Variants in DLGAP2 observed in about 807,000 individuals in gnomAD.
The protein encoded by DLGAP2 is disks large-associated protein 2.
Under a neutral mutation model 100.3 loss-of-function variants are expected in DLGAP2, and 26 were observed. The observed-to-expected ratio is 0.26, with a 90% CI of 0.19 to 0.36. The LOEUF (loss-of-function observed/expected upper bound fraction) is 0.36, where lower values mean the gene tolerates loss of function less well. DLGAP2 is among the 10% of genes least tolerant of loss of function. DLGAP2 has a pLI of 1.00. For synonymous variants in DLGAP2, 886 were observed against 630.1 expected, an observed-to-expected ratio of 1.41 and a Z score of -6.08; for missense variants, 1,858 against 1,453.2, an observed-to-expected ratio of 1.28 and a Z score of -4.53.
intron 3 of DLGAP2, among the ~76,000 whole-genome samples, chr8:1,328,389 G>T (rs1249578057): frequency 6.6e-6 from 1 of 152,042 alleles, no homozygotes; most frequent in South Asian, 2.1e-4. Flanking sequence ...CATAGTCTTG[G>T]CTCACTGCAA....
chr8:1,536,323 T>G (rs575843935), intron 4 of DLGAP2, among the ~76,000 whole-genome samples: 1 of 152,242 alleles, frequency 6.6e-6, no homozygotes, highest in East Asian at 1.9e-4. Context: ...CAGAACCACA[T>G]GAAATCAGCA....
chr8:754,830 C>T (rs1244575812), intron 1 of DLGAP2, among the ~76,000 whole-genome samples: 1 of 151,966 alleles, frequency 6.6e-6, no homozygotes, highest in Non-Finnish European at 1.5e-5. Flanking sequence ...CAGAGTGAGA[C>T]CCTGTCTCTA....
chr8:1,433,625 T>TGAC lies in DLGAP2; in HGVS notation c.107-67741_107-67740insGAC, dbSNP rs772018340. On this transcript the variant is annotated intron_variant, in intron 3 of 14. Transcript: ENST00000637795. The stretch of plus-strand genomic sequence containing the variant: ...TGGGCAGCCAACGCAGCTGACCGAC[T>TGAC]TGGAATTTTTTCTGTATCCACAAAC... Among the ~76,000 whole-genome samples the TGAC allele has an allele frequency of 6.9e-4, 105 of 152,120 alleles. No homozygotes were observed. The South Asian group carries it at 8.5e-3, about 12-fold the overall frequency.
rs375002188 is a variant in DLGAP2, at chr8:811,981, C to T, written c.18+74156C>T. ...CAAACACGACATGATTGGCACTGGC[C>T]GGAATTCTGGAAGGACATGGGGTGG... On this transcript the variant is annotated intron_variant, in intron 1 of 14. Transcript: ENST00000637795. Among the ~76,000 whole-genome samples, 7 of 152,342 alleles carry T rather than the reference C, an allele frequency of 4.6e-5. No individual in the cohort carries two copies. The East Asian group carries it at 5.8e-4, about 13-fold the overall frequency.
intron 3 of DLGAP2, among the ~76,000 whole-genome samples, chr8:1,298,946 C>A (rs770057286): frequency 1.2e-4 from 19 of 152,078 alleles, no homozygotes; most frequent in Non-Finnish European, 2.6e-4. Context: ...CAGGGTCGAG[C>A]TGCGGCATTC....
rs1290134625 is a variant in DLGAP2 at position 1,164,307 on chromosome 8, T to C, written c.74-94544T>C. On this transcript the variant is annotated intron_variant, in intron 2 of 14. Coordinates refer to ENST00000637795, the MANE Select transcript of DLGAP2 (RefSeq NM_001346810.2). ...GACTGATTGTGAGCCCCCCAGGGTT[T>C]GTTTTTGTTTGTGGGGACAGATTTT... is the stretch of plus-strand genomic sequence containing the variant. Among the ~76,000 whole-genome samples, 53 of 62,780 alleles carry C rather than the reference T, an allele frequency of 8.4e-4. 3 individuals carry two copies. The highest frequency in any genetic ancestry group is 1.3e-3 in the Non-Finnish European group (35 of 26,432). 41.2% of individuals were successfully genotyped at this position (62,780 alleles called of 152,430 possible).
At chr8:1,164,249 G>GC (rs369295349) in intron 2 of DLGAP2, among the ~76,000 whole-genome samples, 55 of 21,708 alleles carry the variant, frequency 2.5e-3, no homozygotes, top group Admixed American at 5.6e-3. Flanking sequence ...TTTTCTGTGA[G>GC]CCCCCCCAGG....
intron 6 of DLGAP2, among the ~76,000 whole-genome samples, chr8:1,614,520 T>A (rs901397343): frequency 8.5e-5 from 13 of 152,232 alleles, no homozygotes; most frequent in African/African-American, 2.6e-4. Flanking sequence ...CAGCATCACC[T>A]CCAGGTGTGC....
chr8:867,840 A>G (rs1357652204), intron 1 of DLGAP2, among the ~76,000 whole-genome samples: 1 of 152,228 alleles, frequency 6.6e-6, no homozygotes, highest in Non-Finnish European at 1.5e-5. Flanking sequence ...GCTGAGCATT[A>G]TTTAAGCGGT....
chr8:804,399 T>C (rs552012983), intron 1 of DLGAP2, among the ~76,000 whole-genome samples: 1 of 152,346 alleles, frequency 6.6e-6, no homozygotes, highest in East Asian at 1.9e-4. Context: ...CCCTCCTGCC[T>C]GTGTGGCGGT....
At position 1,634,707 on chromosome 8, in the gene DLGAP2, TCATA is replaced by T. The variant is rs943758844; in HGVS notation, c.1810+1662_1810+1665del. Among the ~76,000 whole-genome samples the T allele has an allele frequency of 5.3e-5, 8 of 152,352 alleles. No homozygotes were observed. In the East Asian group the frequency reaches 1.2e-3, roughly 22 times the overall value. ...GGAGCAAGTAAACAATTAAGAACTT[TCATA>T]GTCTTCAGAAATGCTTTGAAACAAT... is the stretch of plus-strand genomic sequence containing the variant. On this transcript the variant is annotated intron_variant, in intron 8 of 14. Coordinates refer to ENST00000637795, the MANE Select transcript of DLGAP2 (RefSeq NM_001346810.2).
At chr8:1,592,150 A>T (rs1796311887) in intron 6 of DLGAP2, among the ~76,000 whole-genome samples, 2 of 152,194 alleles carry the variant, frequency 1.3e-5, no homozygotes, top group Admixed American at 1.3e-4. Flanking sequence ...ACGCCCGCCC[A>T]GGCTTACCTA....
intron 4 of DLGAP2, 142 bp from the exon 5 acceptor site, chr8:1,548,484 A>AAAAAAAAAAAAC (rs397734475): frequency 3.9e-6 from 2 of 510,094 alleles, no homozygotes; most frequent in African/African-American, 4.3e-5. Context: ...AAAAAAAAAA[A>AAAAAAAAAAAAC]CCCACAAATC....
chr8:992,836 C>CCAT (rs1800668917), intron 2 of DLGAP2, among the ~76,000 whole-genome samples: 1 of 1,222 alleles, frequency 8.2e-4, no homozygotes. Flanking sequence ...TTCTTCTCTC[C>CCAT]CTCCTTGCCC....
intron 1 of DLGAP2, among the ~76,000 whole-genome samples, chr8:851,774 C>G (rs539181810): frequency 6.6e-6 from 1 of 152,284 alleles, no homozygotes; most frequent in Non-Finnish European, 1.5e-5. Context: ...CGCCACGTGC[C>G]CCGCAGCCTG....
intron 3 of DLGAP2, among the ~76,000 whole-genome samples, chr8:1,386,460 G>C (rs530015235): frequency 6.6e-6 from 1 of 152,192 alleles, no homozygotes; most frequent in Non-Finnish European, 1.5e-5. Context: ...AGAGCGGCAG[G>C]GACAGCTGGG....
chr8:786,557 G>C (rs1282304405), intron 1 of DLGAP2, among the ~76,000 whole-genome samples: 1 of 152,170 alleles, frequency 6.6e-6, no homozygotes, highest in Non-Finnish European at 1.5e-5. Context: ...CCACAGAGAG[G>C]TGAGTGGCCC....
At chr8:1,384,288 C>T (rs112615893) in intron 3 of DLGAP2, among the ~76,000 whole-genome samples, 33,183 of 149,188 alleles carry the variant, frequency 0.22, 5,272 homozygotes, top group South Asian at 0.3. Flanking sequence ...TCTCCTCTGC[C>T]GTGGCCTATG....
rs373425999 is a variant in DLGAP2 at position 1,098,648 on chromosome 8, G to A, written c.74-160203G>A. On this transcript the variant is annotated intron_variant, in intron 2 of 14. Transcript: ENST00000637795. ...CCACGCCAGGCTCCCGGCCGCCCACGGACGCCGCCACCCACGCCAGGCTCC... is the reference window on the plus strand; with the variant it reads ...CCACGCCAGGCTCCCGGCCGCCCACAGACGCCGCCACCCACGCCAGGCTCC... Among the ~76,000 whole-genome samples, 60 of 96,066 alleles carry A rather than the reference G, an allele frequency of 6.2e-4. No homozygotes were observed. In the East Asian group the frequency reaches 0.01, roughly 16 times the overall value. 63.0% of individuals were successfully genotyped at this position (96,066 alleles called of 152,430 possible). A position where few individuals can be genotyped will look rare whatever the true frequency, so the allele number is the denominator to read the frequency against.
Sources: allele counts gnomAD v4.1 joint callset (sites outside exome capture counted in the v4.1 genomes callset), GRCh38; gene constraint gnomAD v4.1.1; transcripts MANE v1.5; gene names NCBI Gene and HGNC (gene_info 2026-07-23, HGNC 2026-07-21).